Variants in DOK6 observed in about 807,000 individuals in gnomAD.
DOK6 encodes the protein docking protein 6.
DOK6 carries 22 observed loss-of-function variants against 44.0 expected under a neutral mutation model. The ratio of observed to expected loss-of-function variants is 0.50; its 90% CI spans 0.36 to 0.71. The LOEUF is 0.71. Among genes scored for constraint, DOK6 ranks in the 30% least tolerant of loss-of-function variants. The pLI, the probability that DOK6 is intolerant of heterozygous loss-of-function variation, is 0.00. For missense variants in DOK6, 340 were observed against 416.4 expected (o/e 0.82, Z 1.60); for synonymous variants, 166 against 145.5 (o/e 1.14, Z -1.01).
At chr18:69,481,973 G>T (rs947334261) in intron 1 of DOK6, among the ~76,000 whole-genome samples, 5 of 152,214 alleles carry the variant, frequency 3.3e-5, no homozygotes, top group African/African-American at 1.2e-4. Context: ...CTGATGGCCA[G>T]TGATGATGAG....
At chr18:69,626,441 C>T (rs753207376) in intron 3 of DOK6, among the ~76,000 whole-genome samples, 5 of 152,082 alleles carry the variant, frequency 3.3e-5, no homozygotes, top group Non-Finnish European at 7.4e-5. Context: ...AAAATACATA[C>T]TAAAAGTCAA....
intron 1 of DOK6, among the ~76,000 whole-genome samples, chr18:69,473,332 C>A (rs1980169001): frequency 6.6e-6 from 1 of 152,078 alleles, no homozygotes; most frequent in African/African-American, 2.4e-5. Flanking sequence ...TTAAATATGG[C>A]AACCCTAATT....
intron 3 of DOK6, among the ~76,000 whole-genome samples, chr18:69,636,338 T>C (rs1026001619): frequency 2.0e-5 from 3 of 152,126 alleles, no homozygotes; most frequent in African/African-American, 7.2e-5. Flanking sequence ...ACACAAGATA[T>C]TATGAGGACA....
At chr18:69,605,076 TTGTGTGTGTGTGTGTGTGTG>T (rs71176987) in intron 3 of DOK6, among the ~76,000 whole-genome samples, 5 of 125,856 alleles carry the variant, frequency 4.0e-5, no homozygotes, top group East Asian at 2.3e-4. Flanking sequence ...AGAGATCCCT[TTGTGTGTGTGTGTGTGTGTG>T]TGTGTGTGTG....
chr18:69,612,498 G>C (rs1351923082), intron 3 of DOK6, among the ~76,000 whole-genome samples: 1 of 60,078 alleles, frequency 1.7e-5, no homozygotes, highest in African/African-American at 6.9e-5. Flanking sequence ...CATAGAGGCC[G>C]TGCATGAGCT....
chr18:69,483,600 G>T (rs1222098138), intron 1 of DOK6: 1 of 152,120 alleles, frequency 6.6e-6, no homozygotes, highest in Admixed American at 6.6e-5. Flanking sequence ...GCTTTTCTTG[G>T]CTGCTGCTTT....
chr18:69,732,857 TGTGTATTA>T (rs1265024934), intron 5 of DOK6, among the ~76,000 whole-genome samples: 1 of 152,212 alleles, frequency 6.6e-6, no homozygotes, highest in Admixed American at 6.5e-5. Context: ...CTTGTAGGCA[TGTGTATTA>T]GTCCATTCTC....
At chr18:69,668,467 A>G (rs1439933674) in intron 3 of DOK6, among the ~76,000 whole-genome samples, 6 of 151,772 alleles carry the variant, frequency 4.0e-5, no homozygotes, top group African/African-American at 7.3e-5. Context: ...TGAATTTTTG[A>G]TTCAAGTTTA....
At chr18:69,703,038 C>T (rs758081264) in intron 5 of DOK6, among the ~76,000 whole-genome samples, 1 of 109,742 alleles carries the variant, frequency 9.1e-6, no homozygotes, top group Non-Finnish European at 2.0e-5. Context: ...TTAATTAATG[C>T]TCTCTCCGAG....
intron 1 of DOK6, among the ~76,000 whole-genome samples, chr18:69,403,186 A>C (rs968370353): frequency 4.6e-5 from 7 of 152,168 alleles, no homozygotes; most frequent in African/African-American, 1.7e-4. Flanking sequence ...TGCATATGAA[A>C]ATGAGACTGA....
At chr18:69,482,156 T>C (rs1022977763) in intron 1 of DOK6, among the ~76,000 whole-genome samples, 2 of 152,232 alleles carry the variant, frequency 1.3e-5, no homozygotes, top group Non-Finnish European at 2.9e-5. Context: ...GCAAAAATTT[T>C]CTCCCATTCT....
chr18:69,502,745 A>T lies in DOK6; in HGVS notation c.67-61742A>T, dbSNP rs529203336. On this transcript the variant is annotated intron_variant, in intron 1 of 7. Transcript: ENST00000382713. ...CATGTGCTTGACCTCGAGATGCCAT[A>T]TATGTATATCAGTCAAACAGCACGC... 2.6e-5 allele frequency among the ~76,000 whole-genome samples: 4 copies of T among 152,212 alleles called. No individual in the cohort carries two copies. The South Asian group carries it at 8.3e-4, about 32-fold the overall frequency.
chr18:69,700,206 C>CATATATATATATATATATATATATATAT (rs1317738197), intron 5 of DOK6, among the ~76,000 whole-genome samples: 1 of 72,102 alleles, frequency 1.4e-5, no homozygotes, highest in African/African-American at 4.6e-5. Flanking sequence ...GTTAGTTTTA[C>CATATATATATATATATATATATATATAT]ATATATATAC....
At chr18:69,825,933 A>AAAT (rs1981728545) in intron 7 of DOK6, among the ~76,000 whole-genome samples, 1 of 151,540 alleles carries the variant, frequency 6.6e-6, no homozygotes, top group South Asian at 2.1e-4. Flanking sequence ...TTTGCCTGTA[A>AAAT]AATATGCTTT....
At chr18:69,801,672 C>T (rs1421523402) in intron 7 of DOK6, among the ~76,000 whole-genome samples, 1 of 152,194 alleles carries the variant, frequency 6.6e-6, no homozygotes, top group African/African-American at 2.4e-5. Context: ...TCTCCAACCC[C>T]TTTGTCCCAC....
chr18:69,479,704 G>A (rs1980365753), intron 1 of DOK6, among the ~76,000 whole-genome samples: 1 of 152,034 alleles, frequency 6.6e-6, no homozygotes, highest in Non-Finnish European at 1.5e-5. Context: ...CTTATCACCT[G>A]TGGTATCAGT....
intron 7 of DOK6, among the ~76,000 whole-genome samples, chr18:69,798,428 A>G (rs540232827): frequency 6.6e-6 from 1 of 152,190 alleles, no homozygotes; most frequent in East Asian, 1.9e-4. Flanking sequence ...GCTATCATTT[A>G]ATGTGGTTTT....
At chr18:69,819,006 A>G (rs908414711) in intron 7 of DOK6, among the ~76,000 whole-genome samples, 1 of 152,240 alleles carries the variant, frequency 6.6e-6, no homozygotes, top group Admixed American at 6.5e-5. Flanking sequence ...AAAGTTTTAC[A>G]TACATATAAA....
intron 2 of DOK6, among the ~76,000 whole-genome samples, chr18:69,571,309 A>G (rs929741049): frequency 6.6e-6 from 1 of 152,074 alleles, no homozygotes; most frequent in African/African-American, 2.4e-5. Flanking sequence ...GAAGAAAATA[A>G]GAAAGGAGAA....
Sources: gnomAD v4.1 joint callset for allele counts (sites outside exome capture counted in the v4.1 genomes callset) on GRCh38, gnomAD v4.1.1 for gene constraint, MANE v1.5 for transcripts, NCBI Gene and HGNC (gene_info 2026-07-23, HGNC 2026-07-21) for gene names.